The following TMEM117 variants were observed in gnomAD, a reference collection of about 807,000 sequenced individuals.
TMEM117 encodes the protein transmembrane protein 117.
In TMEM117, 27 loss-of-function variants were observed where a neutral mutation model predicts 52.4. The observed-to-expected ratio is 0.51, with a 90% CI of 0.38 to 0.71. The LOEUF (loss-of-function observed/expected upper bound fraction) is 0.71, where lower values mean the gene tolerates loss of function less well. TMEM117 is among the 30% of genes least tolerant of loss of function. The pLI is 0.00. For synonymous variants in TMEM117, 215 were observed against 206.3 expected (o/e 1.04, Z -0.36); for missense variants, 556 against 630.5 (o/e 0.88, Z 1.26).
chr12:43,921,770 C>T (rs182750131), intron 2 of TMEM117, among the ~76,000 whole-genome samples: 2 of 152,274 alleles, frequency 1.3e-5, no homozygotes, highest in Admixed American at 1.3e-4. Flanking sequence ...TTTATGTTCA[C>T]AGCTGCAGTT....
At chr12:44,275,559 C>G (rs1251162104) in intron 5 of TMEM117, among the ~76,000 whole-genome samples, 1 of 151,968 alleles carries the variant, frequency 6.6e-6, no homozygotes, top group South Asian at 2.1e-4. Context: ...TGTTCATCAA[C>G]AGATGAACAG....
intron 2 of TMEM117, among the ~76,000 whole-genome samples, chr12:43,902,950 C>A (rs1483975107): frequency 2.0e-5 from 3 of 151,630 alleles, no homozygotes; most frequent in African/African-American, 7.3e-5. Flanking sequence ...AATTATAGAT[C>A]AAAAAATGGA....
intron 6 of TMEM117, among the ~76,000 whole-genome samples, chr12:44,353,732 A>G (rs2138787152): frequency 6.6e-6 from 1 of 152,240 alleles, no homozygotes; most frequent in South Asian, 2.1e-4. Context: ...AGGTAGCGTG[A>G]TGCCTCCAGC....
the TMEM117 span, chr12:43,806,274 C>T: frequency 5.3e-6 from 8 of 1,513,582 alleles, no homozygotes; most frequent in African/African-American, 7.2e-5. Context: ...CCGGCTCCGG[C>T]GCTGAGTGCA....
At chr12:44,022,583 G>A (rs911569049) in intron 3 of TMEM117, among the ~76,000 whole-genome samples, 2 of 152,156 alleles carry the variant, frequency 1.3e-5, no homozygotes, top group Non-Finnish European at 2.9e-5. Context: ...AGCATTTACA[G>A]GTGTCATGAG....
intron 3 of TMEM117, among the ~76,000 whole-genome samples, chr12:43,992,071 G>A (rs1436143208): frequency 6.6e-6 from 1 of 151,868 alleles, no homozygotes; most frequent in East Asian, 2.0e-4. Context: ...GCTGAGGTGG[G>A]AGGATCACTT....
intron 2 of TMEM117, among the ~76,000 whole-genome samples, chr12:43,898,697 T>TA (rs1262880317): frequency 2.6e-5 from 4 of 152,178 alleles, no homozygotes; most frequent in Admixed American, 6.5e-5. Context: ...TTAAATAACT[T>TA]ACTTCACAAT....
At chr12:44,175,217 G>T (rs1346725106) in intron 4 of TMEM117, among the ~76,000 whole-genome samples, 1 of 152,302 alleles carries the variant, frequency 6.6e-6, no homozygotes, top group South Asian at 2.1e-4. Flanking sequence ...GGCCAGAGAA[G>T]ATGGAGCTTA....
At chr12:44,393,031 TAG>T (rs1289251533), downstream of TMEM117, among the ~76,000 whole-genome samples, 2 of 152,136 alleles carry the variant, frequency 1.3e-5, no homozygotes, top group African/African-American at 2.4e-5. Flanking sequence ...TACTTTCTCC[TAG>T]AGAGAGATTC....
intron 3 of TMEM117, among the ~76,000 whole-genome samples, chr12:44,090,204 T>G (rs1286031580): frequency 1.3e-5 from 2 of 152,052 alleles, no homozygotes; most frequent in Non-Finnish European, 2.9e-5. Flanking sequence ...TTATTTTAGA[T>G]TCAGGGGGTA....
rs74884917 is a variant in TMEM117 at position 43,884,974 on chromosome 12, G to A, written c.277+40046G>A. 9.0e-3 allele frequency among the ~76,000 whole-genome samples: 1,370 copies of A among 152,228 alleles called. 67 individuals carry two copies. In the East Asian group the frequency reaches 0.16, roughly 17 times the overall value. ...ACTCTTGCTGACTTGCCCATGGCAC[G>A]CTCGCAACGTATTTTCATACTTTCT... is the stretch of plus-strand genomic sequence containing the variant. On this transcript the variant is annotated intron_variant, in intron 2 of 7. Transcript: ENST00000266534.
At chr12:44,048,498 A>G (rs537546207) in intron 3 of TMEM117, among the ~76,000 whole-genome samples, 15 of 152,142 alleles carry the variant, frequency 9.9e-5, no homozygotes, top group Non-Finnish European at 1.8e-4. Context: ...ACATTTTCCT[A>G]TATACTTTAA....
intron 3 of TMEM117, among the ~76,000 whole-genome samples, chr12:44,019,847 C>G (rs1592445968): frequency 6.6e-6 from 1 of 152,042 alleles, no homozygotes; most frequent in Non-Finnish European, 1.5e-5. Context: ...AGTAATGAAT[C>G]CCCCCAAACT....
At chr12:43,942,794 T>C (rs1945065284) in intron 2 of TMEM117, among the ~76,000 whole-genome samples, 1 of 152,170 alleles carries the variant, frequency 6.6e-6, no homozygotes, top group Non-Finnish European at 1.5e-5. Context: ...TGAGAGATAC[T>C]GTTTGTCGCT....
intron 3 of TMEM117, among the ~76,000 whole-genome samples, chr12:44,137,586 T>A (rs888890597): frequency 2.0e-5 from 3 of 152,092 alleles, no homozygotes; most frequent in Admixed American, 1.3e-4. Flanking sequence ...GACTTACAGT[T>A]CCACATGGCT....
intron 2 of TMEM117, among the ~76,000 whole-genome samples, chr12:43,871,786 T>C (rs1943710206): frequency 6.6e-6 from 1 of 152,222 alleles, no homozygotes; most frequent in Admixed American, 6.5e-5. Flanking sequence ...TTTTCAAACA[T>C]TATTGAGGAA....
chr12:43,798,472 T>C, the TMEM117 span: 7 of 1,279,430 alleles, frequency 5.5e-6, no homozygotes, highest in Non-Finnish European at 6.3e-6. Flanking sequence ...GAAAGTCCAA[T>C]AGAAATTTTA....
intron 3 of TMEM117, among the ~76,000 whole-genome samples, chr12:43,961,553 C>T (rs1945403942): frequency 6.6e-6 from 1 of 151,982 alleles, no homozygotes; most frequent in Non-Finnish European, 1.5e-5. Context: ...TAAAGCAGTT[C>T]CTTATTTGAT....
intron 6 of TMEM117, among the ~76,000 whole-genome samples, chr12:44,352,952 CA>C (rs1191564148): frequency 9.9e-5 from 15 of 152,098 alleles, no homozygotes; most frequent in Non-Finnish European, 1.3e-4. Context: ...TCCTCTCCAG[CA>C]CCTGTTGTTT....
Sources: gnomAD v4.1 joint callset for allele counts (sites outside exome capture counted in the v4.1 genomes callset) on GRCh38, gnomAD v4.1.1 for gene constraint, MANE v1.5 for transcripts, NCBI Gene and HGNC (gene_info 2026-07-23, HGNC 2026-07-21) for gene names.